CCSER1: variants seen among roughly 807,000 people sequenced by gnomAD.
The protein encoded by CCSER1 is coiled-coil serine rich protein 1.
In CCSER1, 41 loss-of-function variants were observed where a neutral mutation model predicts 82.0. That is an observed-to-expected ratio of 0.50 (90% confidence interval 0.39 to 0.65). The LOEUF (loss-of-function observed/expected upper bound fraction) is 0.65. Among genes scored for constraint, CCSER1 ranks in the 30% least tolerant of loss-of-function variants. CCSER1 has a pLI of 0.00. For missense variants in CCSER1, 1,119 were observed against 1,064.2 expected, an observed-to-expected ratio of 1.05 and a Z score of -0.72; for synonymous variants, 414 against 383.9, an observed-to-expected ratio of 1.08 and a Z score of -0.92.
At chr4:90,163,830 G>A (rs1729935289) in intron 1 of CCSER1, among the ~76,000 whole-genome samples, 1 of 152,122 alleles carries the variant, frequency 6.6e-6, no homozygotes, top group South Asian at 2.1e-4. Flanking sequence ...TTCTAGATTT[G>A]TAGTAATAAA....
chr4:90,276,263 C>CT (rs1727717160), intron 1 of CCSER1, among the ~76,000 whole-genome samples: 1 of 85,240 alleles, frequency 1.2e-5, no homozygotes, highest in African/African-American at 5.0e-5. Context: ...TCCTTCCTTC[C>CT]TTCCTTCCTT....
chr4:90,394,388 T>G (rs1437650961), intron 3 of CCSER1, among the ~76,000 whole-genome samples: 1 of 152,202 alleles, frequency 6.6e-6, no homozygotes. Flanking sequence ...TAATGCCTCT[T>G]GATATCAAGT....
At chr4:91,544,999 C>T (rs923899959) in intron 10 of CCSER1, among the ~76,000 whole-genome samples, 1 of 152,040 alleles carries the variant, frequency 6.6e-6, no homozygotes. Context: ...ACTCAAGCCT[C>T]AGCAATGGTG....
At chr4:91,559,550 C>G (rs577134556) in intron 10 of CCSER1, among the ~76,000 whole-genome samples, 151 of 151,406 alleles carry the variant, frequency 1.0e-3, no homozygotes, top group African/African-American at 3.5e-3. Flanking sequence ...TTTTTTGAAT[C>G]CAGGGGAGTA....
At chr4:90,882,938 A>G (rs1721564074) in intron 8 of CCSER1, among the ~76,000 whole-genome samples, 2 of 152,102 alleles carry the variant, frequency 1.3e-5, no homozygotes, top group Non-Finnish European at 2.9e-5. Flanking sequence ...GTTCATGTTT[A>G]GAGCAATATT....
At chr4:91,176,506 G>C (rs1014422128) in intron 10 of CCSER1, among the ~76,000 whole-genome samples, 3 of 152,134 alleles carry the variant, frequency 2.0e-5, no homozygotes, top group Non-Finnish European at 4.4e-5. Flanking sequence ...TCATTGAGCA[G>C]TGGTTTGTAA....
chr4:90,214,287 C>T (rs142474277), intron 1 of CCSER1, among the ~76,000 whole-genome samples: 1 of 151,966 alleles, frequency 6.6e-6, no homozygotes, highest in Non-Finnish European at 1.5e-5. Context: ...AAGTTCTTTT[C>T]AAAATGCTTC....
intron 1 of CCSER1, among the ~76,000 whole-genome samples, chr4:90,254,947 A>G (rs540321880): frequency 2.0e-5 from 3 of 151,400 alleles, no homozygotes; most frequent in African/African-American, 7.3e-5. Flanking sequence ...TTTTAAAAGT[A>G]TATGTTGATA....
At chr4:91,487,674 A>G (rs1197816534) in intron 10 of CCSER1, among the ~76,000 whole-genome samples, 1 of 152,134 alleles carries the variant, frequency 6.6e-6, no homozygotes, top group African/African-American at 2.4e-5. Context: ...CAAATTTTCT[A>G]TAATTTTAAT....
chr4:90,782,879 A>T (rs980331466), intron 7 of CCSER1, among the ~76,000 whole-genome samples: 1 of 151,226 alleles, frequency 6.6e-6, no homozygotes, highest in Non-Finnish European at 1.5e-5. Context: ...ATGGGGTTTC[A>T]CCGTGTTAGC....
intron 10 of CCSER1, among the ~76,000 whole-genome samples, chr4:91,131,839 T>C (rs1728026354): frequency 6.6e-6 from 1 of 151,936 alleles, no homozygotes; most frequent in Non-Finnish European, 1.5e-5. Flanking sequence ...GGTGAAATAG[T>C]GAAAGGCACG....
At chr4:91,082,856 A>G (rs185400430) in intron 9 of CCSER1, among the ~76,000 whole-genome samples, 1,546 of 152,324 alleles carry the variant, frequency 0.01, 23 homozygotes, top group African/African-American at 0.035. Context: ...CAAAACCACA[A>G]TGAGATACCA....
At chr4:90,767,102 A>G (rs1561098678) in intron 7 of CCSER1, among the ~76,000 whole-genome samples, 1 of 152,202 alleles carries the variant, frequency 6.6e-6, no homozygotes, top group Non-Finnish European at 1.5e-5. Context: ...TATCATAGTC[A>G]TTATCTTAAA....
At chr4:90,634,031 T>C (rs1724962564) in intron 6 of CCSER1, among the ~76,000 whole-genome samples, 1 of 151,832 alleles carries the variant, frequency 6.6e-6, no homozygotes, top group Admixed American at 6.6e-5. Flanking sequence ...AACTCTATCA[T>C]TTTTTTCTTC....
At chr4:90,958,261 A>G (rs555468043) in intron 9 of CCSER1, among the ~76,000 whole-genome samples, 129 of 152,326 alleles carry the variant, frequency 8.5e-4, no homozygotes, top group Non-Finnish European at 1.5e-3. Context: ...CTGAGTTTCT[A>G]CTATACCAAC....
chr4:91,123,711 C>A (rs1727278393), intron 10 of CCSER1, among the ~76,000 whole-genome samples: 1 of 151,742 alleles, frequency 6.6e-6, no homozygotes, highest in Admixed American at 6.6e-5. Flanking sequence ...AATTCTAATT[C>A]TTTACACTTG....
chr4:91,546,972 CT>C (rs70937013), intron 10 of CCSER1, among the ~76,000 whole-genome samples: 13,966 of 133,324 alleles, frequency 0.1, 708 homozygotes, highest in South Asian at 0.21. Flanking sequence ...CTTGAGTTTT[CT>C]TTTTTTTTTT....
chr4:90,743,985 T>A (rs1746977731), intron 7 of CCSER1, among the ~76,000 whole-genome samples: 1 of 152,230 alleles, frequency 6.6e-6, no homozygotes, highest in Non-Finnish European at 1.5e-5. Context: ...CCATTTCTGC[T>A]ACTTTCTTGA....
chr4:90,373,569 A>G (rs113526960), intron 3 of CCSER1, among the ~76,000 whole-genome samples: 1 of 152,178 alleles, frequency 6.6e-6, no homozygotes, highest in African/African-American at 2.4e-5. Flanking sequence ...CATTTTAATT[A>G]GGTCATTTAT....
Sources: gnomAD v4.1 joint callset for allele counts (sites outside exome capture counted in the v4.1 genomes callset) on GRCh38, gnomAD v4.1.1 for gene constraint, MANE v1.5 for transcripts, NCBI Gene and HGNC (gene_info 2026-07-23, HGNC 2026-07-21) for gene names.